Variants in ZFP2 observed in about 807,000 individuals in gnomAD.
ZFP2 encodes zinc finger protein ZFP2.
A neutral mutation model predicts 36.1 loss-of-function variants in ZFP2; 33 were observed. The observed-to-expected ratio is 0.92, with a 90% CI of 0.69 to 1.22. ZFP2 has a LOEUF of 1.22. Ranked by LOEUF, ZFP2 falls within the 50% of genes most tolerant of loss-of-function variation. The probability of loss-of-function intolerance (pLI) is 0.00; values close to 1 mark genes in which losing one functional copy is unlikely to be tolerated. For synonymous variants in ZFP2, 170 were observed against 178.0 expected (o/e 0.96, Z 0.36); for missense variants, 522 against 551.4 (o/e 0.95, Z 0.53).
intron 1 of ZFP2, among the ~76,000 whole-genome samples, chr5:178,897,137 C>T (rs183788707): frequency 6.7e-6 from 1 of 150,156 alleles, no homozygotes; most frequent in Non-Finnish European, 1.5e-5. Context: ...AGTGAAATTT[C>T]TAGGTCCAGG....
At chr5:178,925,950 C>T (rs1561684470) in intron 4 of ZFP2, among the ~76,000 whole-genome samples, 2 of 148,936 alleles carry the variant, frequency 1.3e-5, no homozygotes, top group South Asian at 2.1e-4. Context: ...CGGGCTCAGG[C>T]GATCCTCCCA....
chr5:178,901,573 T>A (rs1437015200), intron 1 of ZFP2, among the ~76,000 whole-genome samples: 2 of 152,220 alleles, frequency 1.3e-5, no homozygotes, highest in African/African-American at 4.8e-5. Flanking sequence ...TCATCTGATG[T>A]TATCCTTATG....
At chr5:178,897,042 C>CTTT (rs3986659) in intron 1 of ZFP2, among the ~76,000 whole-genome samples, 86 of 147,766 alleles carry the variant, frequency 5.8e-4, no homozygotes, top group Non-Finnish European at 5.1e-4. Context: ...TTTCTTTTTT[C>CTTT]TTTTTTTTTT....
At chr5:178,922,687 G>A in intron 4 of ZFP2, 1 of 1,584,712 alleles carries the variant, frequency 6.3e-7, no homozygotes, top group Non-Finnish European at 8.6e-7. Context: ...TGGATATACT[G>A]GAATAGAAAG....
chr5:178,930,365 G>C (rs1409195257), intron 4 of ZFP2, among the ~76,000 whole-genome samples: 1 of 110,274 alleles, frequency 9.1e-6, no homozygotes, highest in African/African-American at 3.3e-5. Context: ...CTGTCACCCA[G>C]GCTGGAGTGC....
chr5:178,928,245 A>G (rs1189454186), intron 4 of ZFP2, among the ~76,000 whole-genome samples: 1 of 152,048 alleles, frequency 6.6e-6, no homozygotes, highest in Non-Finnish European at 1.5e-5. Flanking sequence ...GCCCCTCCCA[A>G]TCTTATGTCT....
chr5:178,920,829 G>A (rs1207787358), intron 4 of ZFP2, among the ~76,000 whole-genome samples: 1 of 152,068 alleles, frequency 6.6e-6, no homozygotes, highest in African/African-American at 2.4e-5. Flanking sequence ...ATGTCTGTTG[G>A]TTATCTTTTC....
chr5:178,916,987 C>A (rs577619844), intron 4 of ZFP2, among the ~76,000 whole-genome samples: 29 of 152,088 alleles, frequency 1.9e-4, no homozygotes, highest in Non-Finnish European at 3.1e-4. Context: ...ATTTTTGCTC[C>A]TGTTTTACAA....
intron 1 of ZFP2, among the ~76,000 whole-genome samples, chr5:178,897,800 A>AC (rs1305291144): frequency 1.3e-5 from 2 of 151,978 alleles, no homozygotes; most frequent in East Asian, 3.9e-4. Context: ...ATCCACCCCT[A>AC]CCCCATGCAA....
intron 1 of ZFP2, among the ~76,000 whole-genome samples, chr5:178,905,428 T>C (rs1368160827): frequency 6.6e-6 from 1 of 152,246 alleles, no homozygotes; most frequent in Non-Finnish European, 1.5e-5. Context: ...ACTTTGCTGC[T>C]GCAGTGCCTA....
intron 1 of ZFP2, among the ~76,000 whole-genome samples, chr5:178,899,987 C>G (rs1758022450): frequency 6.6e-6 from 1 of 151,894 alleles, no homozygotes; most frequent in Admixed American, 6.6e-5. Context: ...TCAGTATTAT[C>G]AAACTCAGTT....
Position 178,931,198 on chromosome 5 carries a change from C to A in ZFP2, c.-77-39C>A, listed in dbSNP as rs371088744. 2.8e-5 allele frequency: 42 copies of A among 1,487,080 alleles called. No homozygotes were observed. The East Asian group carries it at 4.7e-4, about 17-fold the overall frequency. The allele number at this position is 1,487,080 out of a possible 1,614,324, so 92.1% of individuals were successfully genotyped here. Reference sequence around the variant, plus strand: ...TTATGCAGTTTCCAGTCTCCTAGCACAGAAACCAATGTGCATTTGAATTTT... The same window carrying A: ...TTATGCAGTTTCCAGTCTCCTAGCAAAGAAACCAATGTGCATTTGAATTTT... On this transcript the variant is annotated intron_variant, in intron 4 of 4. Coordinates refer to ENST00000361362, the MANE Select transcript of ZFP2 (RefSeq NM_030613.4).
At position 178,927,665 on chromosome 5, in the gene ZFP2, G is replaced by A. The variant is rs6893821; in HGVS notation, c.-77-3572G>A. 8.9e-4 allele frequency among the ~76,000 whole-genome samples: 40 copies of A among 44,892 alleles called. No homozygotes were observed. In the East Asian group the frequency reaches 0.026, roughly 29 times the overall value. The allele number at this position is 44,892 out of a possible 152,430, so 29.5% of individuals were successfully genotyped here. A position where few individuals can be genotyped will look rare whatever the true frequency, so the allele number is the denominator to read the frequency against. ...GTGCACACCATCATACCTGGCCAATGTGTGTGTGTGTGTGTGTGTGTGTGT... is the reference window on the plus strand; with the variant it reads ...GTGCACACCATCATACCTGGCCAATATGTGTGTGTGTGTGTGTGTGTGTGT... On this transcript the variant is annotated intron_variant, in intron 4 of 4. Coordinates refer to ENST00000361362, the MANE Select transcript of ZFP2 (RefSeq NM_030613.4).
intron 1 of ZFP2, among the ~76,000 whole-genome samples, chr5:178,906,418 T>C (rs2113064415): frequency 6.6e-6 from 1 of 152,356 alleles, no homozygotes; most frequent in East Asian, 1.9e-4. Flanking sequence ...CTGCTTTCTT[T>C]ACATTTGCAT....
chr5:178,931,274 G>A lies in ZFP2; in HGVS notation c.-40G>A, dbSNP rs370723163. The A allele has an allele frequency of 1.3e-4, 205 of 1,523,306 alleles. No homozygotes were observed. In the African/African-American group the frequency reaches 1.7e-3, roughly 12 times the overall value. 94.4% of individuals were successfully genotyped at this position (1,523,306 alleles called of 1,614,324 possible). A position where few individuals can be genotyped will look rare whatever the true frequency, so the allele number is the denominator to read the frequency against. The stretch of plus-strand genomic sequence containing the variant: ...GACTTGAAACCAAAGAGCCAACTCC[G>A]AAGCCGGGTATTACTGAAGATTTAT... On this transcript the variant is annotated 5_prime_UTR_variant, in exon 5 of 5. Coordinates refer to ENST00000361362, the MANE Select transcript of ZFP2 (RefSeq NM_030613.4).
chr5:178,919,528 T>G (rs1758509630), intron 4 of ZFP2, among the ~76,000 whole-genome samples: 1 of 152,232 alleles, frequency 6.6e-6, no homozygotes, highest in Non-Finnish European at 1.5e-5. Flanking sequence ...TTCAGCACTT[T>G]GAAATAATTA....
intron 4 of ZFP2, among the ~76,000 whole-genome samples, chr5:178,921,463 A>G (rs1442610162): frequency 1.3e-5 from 2 of 149,754 alleles, no homozygotes; most frequent in African/African-American, 4.8e-5. Context: ...CTTGGGGAAG[A>G]AGGACCCTCT....
In ZFP2 at chr5:178,910,085, G is replaced by C. The variant is rs994036482; in HGVS notation, c.-449-2499G>C. 10 of 1,472,242 alleles carry C rather than the reference G, an allele frequency of 6.8e-6. No individual in the cohort carries two copies. The Admixed American group carries it at 8.4e-5, about 12-fold the overall frequency. 91.2% of individuals were successfully genotyped at this position (1,472,242 alleles called of 1,614,324 possible). ...GAAATGTAAACTGGTAGAGATCCTT[G>C]AATTTATTCTCCTGTTTGGCTTCTG... On this transcript the variant is annotated intron_variant, in intron 1 of 4. Transcript: ENST00000361362.
intron 4 of ZFP2, 131 bp downstream of exon 4, chr5:178,916,841 T>C: frequency 4.7e-6 from 3 of 638,188 alleles, no homozygotes; most frequent in Non-Finnish European, 5.9e-6. Flanking sequence ...TCTCGCTTTC[T>C]TCCCTTGCCC....
Sources: allele counts gnomAD v4.1 joint callset (sites outside exome capture counted in the v4.1 genomes callset), GRCh38; gene constraint gnomAD v4.1.1; transcripts MANE v1.5; gene names NCBI Gene and HGNC (gene_info 2026-07-23, HGNC 2026-07-21).